GRHL3: variants seen among roughly 807,000 people sequenced by gnomAD.
GRHL3 encodes the protein grainyhead like transcription factor 3.
In GRHL3, 20 loss-of-function variants were observed where a neutral mutation model predicts 70.3. The observed-to-expected ratio is 0.28, with a 90% CI of 0.20 to 0.41. The LOEUF is 0.41. Ranked by LOEUF, GRHL3 falls within the 10% of genes least tolerant of loss-of-function variation. The probability of loss-of-function intolerance (pLI) is 1.00; values close to 1 mark genes in which losing one functional copy is unlikely to be tolerated. For missense variants in GRHL3, 637 were observed against 762.3 expected, an observed-to-expected ratio of 0.84 and a Z score of 1.94; for synonymous variants, 299 against 299.9, an observed-to-expected ratio of 1.00 and a Z score of 0.03.
intron 8 of GRHL3, among the ~76,000 whole-genome samples, chr1:24,340,090 G>T (rs1319997955): frequency 1.3e-5 from 2 of 152,160 alleles, no homozygotes; most frequent in African/African-American, 2.4e-5. Flanking sequence ...ATAAGTAAAA[G>T]GTGGAGCACA....
intron 3 of GRHL3, among the ~76,000 whole-genome samples, chr1:24,335,325 A>G (rs1280567817): frequency 6.6e-6 from 1 of 152,234 alleles, no homozygotes; most frequent in Non-Finnish European, 1.5e-5. Flanking sequence ...TCCTTTAGAA[A>G]GCGGCCCAGG....
intron 2 of GRHL3, 118 bp downstream of exon 2, chr1:24,331,730 C>A: frequency 2.7e-6 from 2 of 745,516 alleles, no homozygotes; most frequent in Non-Finnish European, 4.2e-6. Flanking sequence ...GGCCTTTGCA[C>A]AATGCTGTTC....
intron 1 of GRHL3, among the ~76,000 whole-genome samples, chr1:24,328,491 C>A (rs1211629144): frequency 6.6e-6 from 1 of 152,244 alleles, no homozygotes; most frequent in African/African-American, 2.4e-5. Flanking sequence ...GGCCAAGAGA[C>A]CCACCCAGGT....
intron 3 of GRHL3, among the ~76,000 whole-genome samples, chr1:24,336,121 G>A (rs1427192544): frequency 2.0e-5 from 3 of 151,818 alleles, no homozygotes; most frequent in Non-Finnish European, 2.9e-5. Flanking sequence ...TACACACCCC[G>A]CTAGGGTTGA....
At chr1:24,345,020 T>C in intron 12 of GRHL3, 89 bp downstream of exon 12, 2 of 1,129,860 alleles carry the variant, frequency 1.8e-6, no homozygotes, top group Non-Finnish European at 1.2e-6. Context: ...CCGCCACACC[T>C]GTGCCCCCTC....
At chr1:24,343,070 C>A in intron 11 of GRHL3, 45 bp downstream of exon 11, 1 of 1,612,398 alleles carries the variant, frequency 6.2e-7, no homozygotes. Context: ...AGAGAGGGTC[C>A]TGGCTCCTAG....
intron 15 of GRHL3, among the ~76,000 whole-genome samples, chr1:24,352,558 T>C (rs1569927910): frequency 6.6e-6 from 1 of 152,030 alleles, no homozygotes; most frequent in Non-Finnish European, 1.5e-5. Flanking sequence ...TGTGAGCAGG[T>C]GTGAGCTTGG....
intron 6 of GRHL3, 74 bp from the exon 7 acceptor site, chr1:24,337,918 A>G: frequency 6.5e-7 from 1 of 1,544,750 alleles, no homozygotes; most frequent in Non-Finnish European, 8.8e-7. Flanking sequence ...GGGGAAACTG[A>G]GGCAAAAGGG....
chr1:24,335,056 C>T (rs1019510235), intron 3 of GRHL3, among the ~76,000 whole-genome samples: 1 of 140,550 alleles, frequency 7.1e-6, no homozygotes, highest in African/African-American at 3.0e-5. Context: ...CACACACACA[C>T]ACACACAGAC....
Position 24,342,812 on chromosome 1 carries a change from TG to T in GRHL3, c.1285+41del. 2 of 1,613,712 alleles carry T rather than the reference TG, an allele frequency of 1.2e-6. No individual in the cohort carries two copies. Among genetic ancestry groups the T allele is most frequent in the Non-Finnish European group, 1.7e-6 (2 of 1,179,692 alleles). On this transcript the variant is annotated intron_variant, in intron 10 of 15. Coordinates refer to ENST00000361548, the MANE Select transcript of GRHL3 (RefSeq NM_198173.3). This position sits in a 1 kb window ranked among gnomAD's most constrained non-coding sequence, Gnocchi z 4.8. ...AGGGCCTGGGTGGGCTCGGCTGGCG[TG>T]AAGGGGAGAAGGAGACCAGAGGTGG... is the stretch of plus-strand genomic sequence containing the variant.
rs371589164 is a variant in GRHL3, at chr1:24,319,581, C to T, written c.17+13C>T. 4.3e-6 allele frequency: 7 copies of T among 1,613,650 alleles called. No homozygotes were observed. The African/African-American group carries it at 6.7e-5, about 15-fold the overall frequency. ...CGAATGAACTTGAGTGAGTAAACAT[C>T]GGTGGATACCTGCCGCTCTCAGAGC... On this transcript the variant is annotated intron_variant, in intron 1 of 15. Transcript: ENST00000361548.
intron 14 of GRHL3, among the ~76,000 whole-genome samples, chr1:24,348,422 T>C (rs1640377657): frequency 6.6e-6 from 1 of 152,232 alleles, no homozygotes; most frequent in South Asian, 2.1e-4. Flanking sequence ...CTCCTCATGC[T>C]ACTCGGCTGC....
Position 24,337,929 on chromosome 1 carries a change from C to G in GRHL3, c.841-63C>G, listed in dbSNP as rs527396940. 10 of 1,540,178 alleles carry G rather than the reference C, an allele frequency of 6.5e-6. No homozygotes were observed. The East Asian group carries it at 2.3e-4, about 35-fold the overall frequency. ...GGTTGGGGAAACTGAGGCAAAAGGG[C>G]AGGCCATTGGAACCAGGCTCTAGGA... On this transcript the variant is annotated intron_variant, in intron 6 of 15. Transcript: ENST00000361548.
chr1:24,358,456 T>C, downstream of GRHL3: 1 of 1,157,958 alleles, frequency 8.6e-7, no homozygotes, highest in Non-Finnish European at 1.3e-6. Flanking sequence ...GCCACACTCA[T>C]GATCGGTCTC....
intron 8 of GRHL3, among the ~76,000 whole-genome samples, chr1:24,339,997 C>T (rs572664108): frequency 1.3e-5 from 2 of 152,296 alleles, no homozygotes; most frequent in East Asian, 3.9e-4. Flanking sequence ...TGCCTTAGTC[C>T]CTCTGAGCCT....
At position 24,342,022 on chromosome 1, in the gene GRHL3, G is replaced by C. The variant is rs1039632665; in HGVS notation, c.1048-93G>C. The C allele has an allele frequency of 8.2e-7, 1 of 1,220,532 alleles. No individual in the cohort carries two copies. The highest frequency in any genetic ancestry group is 2.3e-5 in the Admixed American group (1 of 43,600). 75.6% of individuals were successfully genotyped at this position (1,220,532 alleles called of 1,614,324 possible). ...AGTGAGGCTTAAGGGTGAGCAGCAG[G>C]CACACAGAAAGCTAGAAATACAGGA... On this transcript the variant is annotated intron_variant, in intron 8 of 15. Coordinates refer to ENST00000361548, the MANE Select transcript of GRHL3 (RefSeq NM_198173.3). The surrounding 1 kb of genome is among the most constrained non-coding windows in gnomAD (Gnocchi z 4.8).
intron 2 of GRHL3, among the ~76,000 whole-genome samples, chr1:24,332,275 G>T (rs1346488448): frequency 6.6e-6 from 1 of 152,106 alleles, no homozygotes; most frequent in Non-Finnish European, 1.5e-5. Flanking sequence ...TCTCCTGAGG[G>T]TCTTACTGTC....
intron 8 of GRHL3, 59 bp downstream of exon 8, chr1:24,339,821 G>A: frequency 2.7e-6 from 3 of 1,126,208 alleles, no homozygotes; most frequent in Non-Finnish European, 3.9e-6. Flanking sequence ...CCCTATTCTG[G>A]GGTAGAGGCT....
intron 8 of GRHL3, among the ~76,000 whole-genome samples, chr1:24,340,706 G>T (rs944060405): frequency 6.6e-6 from 1 of 152,198 alleles, no homozygotes; most frequent in Admixed American, 6.5e-5. Context: ...CTCCCTGCCT[G>T]CCTCCAGGGA....
Sources: gnomAD v4.1 joint callset for allele counts (sites outside exome capture counted in the v4.1 genomes callset) on GRCh38, gnomAD v4.1.1 for gene constraint, Gnocchi (gnomAD v3.1) non-coding constraint, MANE v1.5 for transcripts, NCBI Gene and HGNC (gene_info 2026-07-23, HGNC 2026-07-21) for gene names.